The following VAPA variants were observed in gnomAD, a reference collection of about 807,000 sequenced individuals.
VAPA encodes the protein vesicle-associated membrane protein-associated protein A.
In VAPA, 6 loss-of-function variants were observed where a neutral mutation model predicts 25.6. The ratio of observed to expected loss-of-function variants is 0.23; its 90% confidence interval spans 0.13 to 0.46. The LOEUF is 0.46. Among genes scored for constraint, VAPA ranks in the 20% least tolerant of loss-of-function variants. The pLI, the probability that VAPA is intolerant of heterozygous loss-of-function variation, is 0.99. For missense variants in VAPA, 244 were observed against 302.1 expected (o/e 0.81, Z 1.43); for synonymous variants, 112 against 106.2 (o/e 1.05, Z -0.34).
chr18:9,954,788 TAAAA>T lies in VAPA; in HGVS notation c.*583_*586del, dbSNP rs200438770. On this transcript the variant is annotated 3_prime_UTR_variant, in exon 6 of 6. Transcript: ENST00000400000. Reference sequence around the variant, plus strand: ...CAATCCTGTCCCATGGTATTTAACATAAAAAAAAATAAAACTGTTAACAGATTCT... The same window carrying T: ...CAATCCTGTCCCATGGTATTTAACATAAAAATAAAACTGTTAACAGATTCT... 4.6e-5 allele frequency: 7 copies of T among 151,768 alleles called. No homozygotes were observed. Among genetic ancestry groups the T allele is most frequent in the Non-Finnish European group, 7.4e-5 (5 of 67,790 alleles). The allele number at this position is 151,768 out of a possible 1,614,324, so 9.4% of individuals were successfully genotyped here. A position where few individuals can be genotyped will look rare whatever the true frequency, so the allele number is the denominator to read the frequency against.
chr18:9,931,620 A>T (rs755532522), intron 1 of VAPA, among the ~76,000 whole-genome samples, 190 bp from the exon 2 acceptor site: 10 of 152,330 alleles, frequency 6.6e-5, no homozygotes, highest in East Asian at 1.9e-4. Context: ...ACAGGGAATG[A>T]AGAAGAAAAT....
intron 5 of VAPA, among the ~76,000 whole-genome samples, chr18:9,952,330 G>A (rs577767367): frequency 3.8e-4 from 58 of 152,302 alleles, no homozygotes; most frequent in Admixed American, 3.3e-3. Context: ...ACTTTGGGAG[G>A]CTGAGGCGTG....
intron 1 of VAPA, among the ~76,000 whole-genome samples, chr18:9,916,171 G>A (rs960433436): frequency 6.6e-6 from 1 of 152,148 alleles, no homozygotes; most frequent in African/African-American, 2.4e-5. Flanking sequence ...GCTATAGTAA[G>A]GGAGTAATAA....
chr18:9,938,822 G>GT (rs1487040510), intron 4 of VAPA, among the ~76,000 whole-genome samples: 4 of 152,182 alleles, frequency 2.6e-5, no homozygotes, highest in African/African-American at 4.8e-5. Context: ...GAGTAGGTAG[G>GT]AGGAGTACAG....
Position 9,959,242 on chromosome 18 carries a change from A to G in VAPA, c.*5031A>G, listed in dbSNP as rs1029015652. 5 of 152,218 alleles carry G rather than the reference A, an allele frequency of 3.3e-5. No homozygotes were observed. Among genetic ancestry groups the G allele is most frequent in the South Asian group, 2.1e-4 (1 of 4,834 alleles). The allele number at this position is 152,218 out of a possible 1,614,324, so 9.4% of individuals were successfully genotyped here. The stretch of plus-strand genomic sequence containing the variant: ...TATTGACTCCTCACAAACAGTAAGT[A>G]TGGCAATTTTGTGATGCCTTTGATT... On this transcript the variant is annotated 3_prime_UTR_variant, in exon 6 of 6. Coordinates refer to ENST00000400000, the MANE Select transcript of VAPA (RefSeq NM_194434.3).
intron 1 of VAPA, among the ~76,000 whole-genome samples, chr18:9,931,499 A>G (rs895901282): frequency 2.0e-5 from 3 of 152,196 alleles, no homozygotes; most frequent in Non-Finnish European, 4.4e-5. Context: ...ATTTTCAGCA[A>G]CGTATTAACA....
intron 4 of VAPA, chr18:9,948,208 C>G (rs1315592745): frequency 6.6e-6 from 1 of 152,100 alleles, no homozygotes; most frequent in Admixed American, 6.6e-5. Flanking sequence ...AATTCCAAGT[C>G]TAATTCTATT....
chr18:9,922,023 A>T (rs1411265662), intron 1 of VAPA, among the ~76,000 whole-genome samples: 1 of 152,136 alleles, frequency 6.6e-6, no homozygotes, highest in African/African-American at 2.4e-5. Context: ...CTGACACCAG[A>T]CTGAAGTGCA....
chr18:9,918,984 G>A (rs868793149), intron 1 of VAPA, among the ~76,000 whole-genome samples: 1 of 152,038 alleles, frequency 6.6e-6, no homozygotes, highest in South Asian at 2.1e-4. Context: ...CACTGCAGCC[G>A]TGACCTCCTG....
chr18:9,918,848 T>G (rs974818981), intron 1 of VAPA, among the ~76,000 whole-genome samples: 1 of 152,226 alleles, frequency 6.6e-6, no homozygotes, highest in African/African-American at 2.4e-5. Context: ...TATTCTAAAC[T>G]CAAAATATCT....
At chr18:9,948,062 T>C (rs1476350970) in intron 4 of VAPA, 2 of 152,238 alleles carry the variant, frequency 1.3e-5, no homozygotes, top group African/African-American at 4.8e-5. Context: ...CTGTATTCTT[T>C]GCATTCTATT....
chr18:9,914,472 C>A, intron 1 of VAPA, 137 bp downstream of exon 1: 1 of 693,512 alleles, frequency 1.4e-6, no homozygotes, highest in Non-Finnish European at 2.1e-6. Flanking sequence ...CCTTCCCTTT[C>A]CCGGCTGCTT....
At position 9,945,225 on chromosome 18, in the gene VAPA, T is replaced by A. The variant is rs115396161; in HGVS notation, c.418-5170T>A. ...CTACAAAGCACTTAAAAATCATGCA[T>A]ACAAACTATTCTGTTCTAAAAAACT... On this transcript the variant is annotated intron_variant, in intron 4 of 5. Coordinates refer to ENST00000400000, the MANE Select transcript of VAPA (RefSeq NM_194434.3). Among the ~76,000 whole-genome samples, 1,219 of 152,238 alleles carry A rather than the reference T, an allele frequency of 8.0e-3. 16 individuals carry two copies. Among genetic ancestry groups the A allele is most frequent in the African/African-American group, 0.028 (1,159 of 41,540 alleles).
chr18:9,931,712 C>T (rs1476041299), intron 1 of VAPA, 98 bp from the exon 2 acceptor site: 2 of 1,063,374 alleles, frequency 1.9e-6, no homozygotes, highest in Admixed American at 5.2e-5. Flanking sequence ...AATGTCAGCA[C>T]TTAATTAAAA....
chr18:9,934,177 G>A (rs1023833256), intron 2 of VAPA, among the ~76,000 whole-genome samples: 1 of 152,084 alleles, frequency 6.6e-6, no homozygotes, highest in Non-Finnish European at 1.5e-5. Flanking sequence ...AACCTTCTCT[G>A]GTTAATTCTC....
chr18:9,948,577 T>C (rs2069451934), intron 4 of VAPA: 1 of 152,162 alleles, frequency 6.6e-6, no homozygotes, highest in South Asian at 2.1e-4. Context: ...ATATCTTTTT[T>C]TCCCCCTTTT....
At position 9,936,093 on chromosome 18, in the gene VAPA, CT is replaced by C; in HGVS notation, c.233-10del. 3.2e-6 allele frequency: 5 copies of C among 1,550,554 alleles called. No individual in the cohort carries two copies. The highest frequency in any genetic ancestry group is 1.8e-4 in the Middle Eastern group (1 of 5,586). ...CATGCAGGAGACAATATAATATATCCTTTTTTTCTTATTTAGTAATGCTACA... is the reference window on the plus strand; with the variant it reads ...CATGCAGGAGACAATATAATATATCCTTTTTTCTTATTTAGTAATGCTACA... On this transcript the variant is annotated splice_polypyrimidine_tract_variant and intron_variant, in intron 2 of 5. Transcript: ENST00000400000.
At chr18:9,952,573 A>G (rs1212379441) in intron 5 of VAPA, among the ~76,000 whole-genome samples, 1 of 151,878 alleles carries the variant, frequency 6.6e-6, no homozygotes, top group Non-Finnish European at 1.5e-5. Flanking sequence ...TCAAAAAAAA[A>G]AAAAAAACAA....
rs2069554176 is a variant in VAPA at position 9,956,625 on chromosome 18, A to G, written c.*2414A>G. On this transcript the variant is annotated 3_prime_UTR_variant, in exon 6 of 6. Transcript: ENST00000400000. ...TTCTGTTATTTTTAATTGCTGTATG[A>G]AATGTGATCAGATTATTTTACTACC... The G allele has an allele frequency of 6.6e-6, 1 of 152,630 alleles. No individual in the cohort carries two copies. Among genetic ancestry groups the G allele is most frequent in the African/African-American group, 2.4e-5 (1 of 41,438 alleles). 9.5% of individuals were successfully genotyped at this position (152,630 alleles called of 1,614,324 possible).
Sources: gnomAD v4.1 joint callset for allele counts (sites outside exome capture counted in the v4.1 genomes callset) on GRCh38, gnomAD v4.1.1 for gene constraint, MANE v1.5 for transcripts, NCBI Gene and HGNC (gene_info 2026-07-23, HGNC 2026-07-21) for gene names.